The following TTI1 variants were observed in gnomAD, a reference collection of about 807,000 sequenced individuals.
The protein encoded by TTI1 is TELO2 interacting protein 1.
A neutral mutation model predicts 85.4 loss-of-function variants in TTI1; 52 were observed. The ratio of observed to expected loss-of-function variants is 0.61; its 90% CI spans 0.49 to 0.77. The LOEUF is 0.77. Among genes scored for constraint, TTI1 ranks in the 30% least tolerant of loss-of-function variants. The probability of loss-of-function intolerance (pLI) is 0.00; values close to 1 mark genes in which losing one functional copy is unlikely to be tolerated. For missense variants in TTI1, 1,173 were observed against 1,296.0 expected (o/e 0.91, Z 1.46); for synonymous variants, 512 against 503.9 (o/e 1.02, Z -0.22).
At position 37,985,909 on chromosome 20, in the gene TTI1, GTGGTTGT is replaced by G. The variant is rs564505044; in HGVS notation, c.3087-2277_3087-2271del. Among the ~76,000 whole-genome samples, 118 of 152,270 alleles carry G rather than the reference GTGGTTGT, an allele frequency of 7.7e-4. 1 individual carries two copies. Among genetic ancestry groups the G allele is most frequent in the African/African-American group, 2.6e-3 (110 of 41,536 alleles). ...TAATCTTGTGTTTATAACCTCCATA[GTGGTTGT>G]TGGAGAAGTGATTAGAATATTCTAA... On this transcript the variant is annotated intron_variant, in intron 7 of 7. Coordinates refer to ENST00000373447, the MANE Select transcript of TTI1 (RefSeq NM_001303457.2).
chr20:38,025,383 A>C (rs1450003960), intron 1 of TTI1, among the ~76,000 whole-genome samples: 1 of 152,148 alleles, frequency 6.6e-6, no homozygotes, highest in Non-Finnish European at 1.5e-5. Flanking sequence ...AGCCTGGCCA[A>C]CATGGTGAAA....
At chr20:38,008,432 T>C (rs2073533936) in intron 2 of TTI1, among the ~76,000 whole-genome samples, 1 of 152,216 alleles carries the variant, frequency 6.6e-6, no homozygotes, top group African/African-American at 2.4e-5. Flanking sequence ...TGGAATACTA[T>C]GCAGCCATAA....
At position 38,005,667 on chromosome 20, in the gene TTI1, C is replaced by T. The variant is rs779971901; in HGVS notation, c.2503+530G>A. ...GAAACCAGTATTCATCCTGCACTGC[C>T]GAAGGAAAAGTATAAATTGACACAA... is the stretch of plus-strand genomic sequence containing the variant. On this transcript the variant is annotated intron_variant, in intron 3 of 7. Coordinates refer to ENST00000373447, the MANE Select transcript of TTI1 (RefSeq NM_001303457.2). Among the ~76,000 whole-genome samples the T allele has an allele frequency of 4.0e-5, 6 of 151,694 alleles. 1 individual carries two copies. The highest frequency in any genetic ancestry group is 3.3e-4 in the Admixed American group (5 of 15,244).
At chr20:38,016,643 T>G (rs2073686892) in intron 1 of TTI1, among the ~76,000 whole-genome samples, 1 of 152,226 alleles carries the variant, frequency 6.6e-6, no homozygotes, top group Non-Finnish European at 1.5e-5. Flanking sequence ...ATTTCATCAA[T>G]TCCACCCCTT....
intron 1 of TTI1, among the ~76,000 whole-genome samples, chr20:38,025,748 A>G (rs2073829111): frequency 6.6e-6 from 1 of 152,196 alleles, no homozygotes; most frequent in South Asian, 2.1e-4. Flanking sequence ...CGAAAAAGAA[A>G]AAGAAGATAT....
Position 37,983,189 on chromosome 20 carries a change from T to G in TTI1, c.*267A>C. On this transcript the variant is annotated 3_prime_UTR_variant, in exon 8 of 8. Transcript: ENST00000373447. The stretch of plus-strand genomic sequence containing the variant: ...GTGGCCTGTGAGGGAGCTGGGGCTA[T>G]AGAGATGGTAGGCTAAGGGGTTAAA... 2.7e-6 allele frequency: 1 copy of G among 372,326 alleles called. No individual in the cohort carries two copies. Among genetic ancestry groups the G allele is most frequent in the Non-Finnish European group, 5.0e-6 (1 of 199,646 alleles). 23.1% of individuals were successfully genotyped at this position (372,326 alleles called of 1,614,324 possible).
intron 7 of TTI1, among the ~76,000 whole-genome samples, chr20:37,989,598 C>T (rs553339103): frequency 6.6e-6 from 1 of 152,332 alleles, no homozygotes; most frequent in Admixed American, 6.5e-5. Flanking sequence ...CTAGATCCCA[C>T]GACAGTGTAT....
chr20:38,010,233 T>G (rs2073563120), intron 2 of TTI1, among the ~76,000 whole-genome samples: 1 of 152,190 alleles, frequency 6.6e-6, no homozygotes, highest in Admixed American at 6.5e-5. Flanking sequence ...CTGCCCCAGT[T>G]ACCTTCCATG....
chr20:38,030,589 G>A (rs1438403578), intron 1 of TTI1, among the ~76,000 whole-genome samples: 1 of 149,774 alleles, frequency 6.7e-6, no homozygotes, highest in Non-Finnish European at 1.5e-5. Context: ...ATATTTCAGA[G>A]ATGCAAGACT....
chr20:37,989,909 G>T (rs2073240015), intron 7 of TTI1, among the ~76,000 whole-genome samples: 1 of 152,228 alleles, frequency 6.6e-6, no homozygotes, highest in Admixed American at 6.5e-5. Context: ...GAGGATATTA[G>T]TCACAACAGT....
Position 38,012,050 on chromosome 20 carries a change from G to A in TTI1, c.1767C>T (p.His589=), listed in dbSNP as rs2073601303. The part of the protein sequence containing the change: ...EEMGEELMME[H]PGLQAITSGE... Reference sequence around the variant, plus strand: ...CAGACGTGATGGCTTGGAGGCCTGGGTGCTCCATCATCAGCTCCTCTCCCA... The same window carrying A: ...CAGACGTGATGGCTTGGAGGCCTGGATGCTCCATCATCAGCTCCTCTCCCA... The change falls in exon 2 of 8, where the codon CAC becomes CAT. Residue 589 remains histidine (H), a synonymous_variant. Coordinates refer to ENST00000373447, the MANE Select transcript of TTI1 (RefSeq NM_001303457.2). The A allele has an allele frequency of 1.2e-6, 2 of 1,614,108 alleles. No homozygotes were observed. Among genetic ancestry groups the A allele is most frequent in the Admixed American group, 1.7e-5 (1 of 60,010 alleles).
chr20:38,030,474 G>A (rs1885212779), intron 1 of TTI1, among the ~76,000 whole-genome samples: 2 of 151,258 alleles, frequency 1.3e-5, no homozygotes, highest in South Asian at 2.1e-4. Context: ...TTTCTCTCAT[G>A]AGTATAGATG....
At chr20:38,009,798 C>T (rs1022383913) in intron 2 of TTI1, among the ~76,000 whole-genome samples, 4 of 152,152 alleles carry the variant, frequency 2.6e-5, no homozygotes, top group African/African-American at 7.2e-5. Flanking sequence ...CCACGGCACC[C>T]GGCCTGAATG....
chr20:37,996,987 AT>A, intron 5 of TTI1, 34 bp from the exon 6 acceptor site: 1 of 1,603,878 alleles, frequency 6.2e-7, no homozygotes, highest in East Asian at 2.2e-5. Flanking sequence ...GTGAGTGAAC[AT>A]TGCCAAGGCA....
At chr20:38,010,926 T>C (rs1033708849) in intron 2 of TTI1, among the ~76,000 whole-genome samples, 7 of 152,228 alleles carry the variant, frequency 4.6e-5, no homozygotes, top group East Asian at 1.9e-4. Flanking sequence ...ACTAGCTACA[T>C]GTGGCTATTA....
chr20:37,988,575 G>C (rs1256539214), intron 7 of TTI1, among the ~76,000 whole-genome samples: 1 of 152,184 alleles, frequency 6.6e-6, no homozygotes, highest in African/African-American at 2.4e-5. Flanking sequence ...TTGCTTGAGG[G>C]ATCTGCTGTT....
At chr20:38,017,441 C>T (rs1014512360) in intron 1 of TTI1, among the ~76,000 whole-genome samples, 76 of 123,424 alleles carry the variant, frequency 6.2e-4, no homozygotes, top group Admixed American at 3.1e-3. Flanking sequence ...TGTGTGCGCG[C>T]GCGCCTTTGG....
rs746626658 is a variant in TTI1 at position 38,012,697 on chromosome 20, A to G, written c.1120T>C (p.Leu374=). Residue 374 remains leucine, a synonymous_variant, in exon 2 of 8, where the codon TTG becomes CTG. Coordinates refer to ENST00000373447, the MANE Select transcript of TTI1 (RefSeq NM_001303457.2). ...GCAAGGGAATGCAGGCTTTCTGACA[A>G]GATGTCAGCGAGGGCTTTGTTGCCC... is the stretch of plus-strand genomic sequence containing the variant. ...VVGNKALADI[L]SESLHSLATS... 154 of 1,614,242 alleles carry G rather than the reference A, an allele frequency of 9.5e-5. 1 individual carries two copies. The South Asian group carries it at 1.5e-3, about 16-fold the overall frequency.
chr20:38,006,736 G>A (rs1423522698), intron 2 of TTI1, among the ~76,000 whole-genome samples: 1 of 152,106 alleles, frequency 6.6e-6, no homozygotes, highest in Non-Finnish European at 1.5e-5. Context: ...TTTAACTTAG[G>A]TCACTTACAT....
Sources: allele counts gnomAD v4.1 joint callset (sites outside exome capture counted in the v4.1 genomes callset), GRCh38; gene constraint gnomAD v4.1.1; transcripts MANE v1.5; gene names NCBI Gene and HGNC (gene_info 2026-07-23, HGNC 2026-07-21).